SDK1: variants seen among roughly 807,000 people sequenced by gnomAD.
The protein encoded by SDK1 is sidekick cell adhesion molecule 1.
SDK1 carries 157 observed loss-of-function variants against 245.5 expected under a neutral mutation model. The observed-to-expected ratio is 0.64, with a 90% CI of 0.56 to 0.73. The LOEUF (loss-of-function observed/expected upper bound fraction) is 0.73. SDK1 is among the 30% of genes least tolerant of loss of function. The probability of loss-of-function intolerance (pLI) is 0.00; values close to 1 mark genes in which losing one functional copy is unlikely to be tolerated. For synonymous variants in SDK1, 1,647 were observed against 1,278.5 expected (o/e 1.29, Z -6.15); for missense variants, 3,583 against 3,002.3 (o/e 1.19, Z -4.52).
chr7:3,757,673 G>A (rs540966071), intron 4 of SDK1, among the ~76,000 whole-genome samples: 49 of 152,310 alleles, frequency 3.2e-4, no homozygotes, highest in African/African-American at 7.0e-4. Context: ...AAGGTGCCCC[G>A]TCCTCCCAGT....
chr7:3,331,249 C>T (rs1459434459), intron 1 of SDK1, among the ~76,000 whole-genome samples: 16 of 152,050 alleles, frequency 1.1e-4, no homozygotes, highest in African/African-American at 2.2e-4. Flanking sequence ...GGCAACAAAG[C>T]GAGACTCTGT....
intron 4 of SDK1, among the ~76,000 whole-genome samples, chr7:3,657,767 G>C (rs964271534): frequency 2.0e-5 from 3 of 152,132 alleles, no homozygotes; most frequent in Non-Finnish European, 2.9e-5. Flanking sequence ...ATCTTTCTGC[G>C]AGACTACTCT....
chr7:3,466,621 C>G (rs1464710531), intron 1 of SDK1, among the ~76,000 whole-genome samples: 1 of 151,132 alleles, frequency 6.6e-6, no homozygotes, highest in African/African-American at 2.4e-5. Context: ...TGTTCCATAT[C>G]CATGTTTCAT....
At chr7:3,616,141 C>A (rs2128643820) in intron 1 of SDK1, among the ~76,000 whole-genome samples, 1 of 152,330 alleles carries the variant, frequency 6.6e-6, no homozygotes, top group Non-Finnish European at 1.5e-5. Flanking sequence ...CCGCCTCAGC[C>A]TCCCAAAGTG....
At position 4,226,240 on chromosome 7, in the gene SDK1, CAG is replaced by C. The variant is rs1284685991; in HGVS notation, c.5827+4877_5827+4878del. Among the ~76,000 whole-genome samples, 5 of 152,332 alleles carry C rather than the reference CAG, an allele frequency of 3.3e-5. No individual in the cohort carries two copies. The East Asian group carries it at 5.8e-4, about 18-fold the overall frequency. ...CCGTTTTGTATTGGGAGGGGCCACA[CAG>C]GGGCCCTCACCGCTGGGTATCTGGG... On this transcript the variant is annotated intron_variant, in intron 40 of 44. Transcript: ENST00000404826.
At chr7:4,094,671 C>G (rs1404836557) in intron 22 of SDK1, among the ~76,000 whole-genome samples, 2 of 152,192 alleles carry the variant, frequency 1.3e-5, no homozygotes, top group Non-Finnish European at 1.5e-5. Flanking sequence ...TCAAACCGGA[C>G]TTGTGGACCT....
chr7:3,579,327 A>C (rs370459721), intron 1 of SDK1, among the ~76,000 whole-genome samples: 1 of 152,230 alleles, frequency 6.6e-6, no homozygotes, highest in Admixed American at 6.5e-5. Context: ...GGACTCCACC[A>C]TGATCAGGTA....
At chr7:3,443,960 G>A (rs185805426) in intron 1 of SDK1, among the ~76,000 whole-genome samples, 1 of 152,292 alleles carries the variant, frequency 6.6e-6, no homozygotes. Context: ...TAACAAAAGA[G>A]CATTATTTAT....
intron 1 of SDK1, among the ~76,000 whole-genome samples, chr7:3,421,036 G>C (rs1440086870): frequency 6.6e-6 from 1 of 151,276 alleles, no homozygotes; most frequent in Non-Finnish European, 1.5e-5. Flanking sequence ...TGTTGAGAAA[G>C]AGTAAATTAA....
At chr7:3,748,966 A>G (rs1228551245) in intron 4 of SDK1, among the ~76,000 whole-genome samples, 1 of 152,156 alleles carries the variant, frequency 6.6e-6, no homozygotes, top group Non-Finnish European at 1.5e-5. Flanking sequence ...AGGTTTCAGT[A>G]TACTAGGAAA....
At chr7:4,127,158 G>A (rs2128196754) in intron 25 of SDK1, among the ~76,000 whole-genome samples, 1 of 152,228 alleles carries the variant, frequency 6.6e-6, no homozygotes, top group South Asian at 2.1e-4. Flanking sequence ...GGTGGACTCA[G>A]GTAAAATTGA....
At chr7:3,349,926 A>C (rs752310872) in intron 1 of SDK1, among the ~76,000 whole-genome samples, 2 of 152,194 alleles carry the variant, frequency 1.3e-5, no homozygotes, top group Non-Finnish European at 2.9e-5. Flanking sequence ...TCTTAAGACC[A>C]CATCCTGGAT....
chr7:3,965,275 A>C (rs1370470191), intron 9 of SDK1, among the ~76,000 whole-genome samples: 1 of 152,124 alleles, frequency 6.6e-6, no homozygotes, highest in South Asian at 2.1e-4. Flanking sequence ...AATGAGAATA[A>C]AAAAGAACCC....
At chr7:3,917,368 T>A (rs1187236681) in intron 5 of SDK1, among the ~76,000 whole-genome samples, 1 of 152,210 alleles carries the variant, frequency 6.6e-6, no homozygotes, top group African/African-American at 2.4e-5. Context: ...GTGTCCTCTT[T>A]GAGGGTTTCT....
chr7:3,621,842 C>T (rs901345387), intron 2 of SDK1, among the ~76,000 whole-genome samples: 1 of 152,166 alleles, frequency 6.6e-6, no homozygotes, highest in Non-Finnish European at 1.5e-5. Flanking sequence ...CTATTATTTG[C>T]AAATCGTTGA....
At chr7:4,205,321 A>T (rs1784155571) in intron 35 of SDK1, among the ~76,000 whole-genome samples, 1 of 152,120 alleles carries the variant, frequency 6.6e-6, no homozygotes, top group African/African-American at 2.4e-5. Context: ...TCTTTTCTCT[A>T]ATCTCAATCA....
At chr7:4,151,061 A>G in intron 30 of SDK1, among the ~76,000 whole-genome samples, 1 of 152,184 alleles carries the variant, frequency 6.6e-6, no homozygotes, top group Non-Finnish European at 1.5e-5. Context: ...GGTCATGGCC[A>G]TGGATGCCAG....
intron 5 of SDK1, among the ~76,000 whole-genome samples, chr7:3,888,841 A>T (rs943197486): frequency 8.5e-5 from 13 of 152,172 alleles, no homozygotes; most frequent in African/African-American, 3.1e-4. Flanking sequence ...TCATTCTCGT[A>T]TTCTATATGT....
At chr7:3,414,684 G>C (rs915870314) in intron 1 of SDK1, among the ~76,000 whole-genome samples, 42 of 152,058 alleles carry the variant, frequency 2.8e-4, no homozygotes, top group African/African-American at 8.5e-4. Flanking sequence ...CCACTATCTT[G>C]ACTGCAGAAC....
Sources: allele counts gnomAD v4.1 joint callset (sites outside exome capture counted in the v4.1 genomes callset), GRCh38; gene constraint gnomAD v4.1.1; transcripts MANE v1.5; gene names NCBI Gene and HGNC (gene_info 2026-07-23, HGNC 2026-07-21).